The following NFAM1 variants were observed in gnomAD, a reference collection of about 807,000 sequenced individuals.
NFAM1 encodes NFAT activating protein with ITAM motif 1, also known as NFAT activation molecule 1.
In NFAM1, 17 loss-of-function variants were observed where a neutral mutation model predicts 29.0. That is an observed-to-expected ratio of 0.59 (90% CI 0.40 to 0.88). The LOEUF is 0.88. NFAM1 is among the 40% of genes least tolerant of loss of function. The pLI is 0.00. For synonymous variants in NFAM1, 175 were observed against 147.2 expected, an observed-to-expected ratio of 1.19 and a Z score of -1.36; for missense variants, 324 against 344.6, an observed-to-expected ratio of 0.94 and a Z score of 0.47.
Position 42,432,251 on chromosome 22 carries a change from G to C in NFAM1, c.107C>G (p.Thr36Ser). 1 of 1,572,906 alleles carries C rather than the reference G, an allele frequency of 6.4e-7. No individual in the cohort carries two copies. The highest frequency in any genetic ancestry group is 8.6e-7 in the Non-Finnish European group (1 of 1,158,674). Reference protein sequence around the residue: ...LLLGVLLLPGTLRLAGGQSVT... With the variant: ...LLLGVLLLPGSLRLAGGQSVT... ...ACAGACACTACCTGCCAGTCGCAGG[G>C]TCCCGGGCAGCAGCAGCACGCCAAG... The change falls in exon 1 of 6, where the codon ACC becomes AGC. Residue 36 changes from threonine (T) to serine (S), a missense_variant. Transcript: ENST00000329021.
chr22:42,399,205 C>T (rs552433565), intron 3 of NFAM1, among the ~76,000 whole-genome samples: 1 of 151,930 alleles, frequency 6.6e-6, no homozygotes, highest in African/African-American at 2.4e-5. Flanking sequence ...CTTTGGGACT[C>T]GGAGGCCGAG....
intron 5 of NFAM1, among the ~76,000 whole-genome samples, chr22:42,385,586 C>G (rs1229953893): frequency 6.6e-6 from 1 of 152,038 alleles, no homozygotes; most frequent in African/African-American, 2.4e-5. Flanking sequence ...CCCAGGGACC[C>G]CCTCCCTCCC....
upstream of NFAM1, among the ~76,000 whole-genome samples, chr22:42,432,632 T>G (rs1290171499): frequency 2.6e-5 from 4 of 152,082 alleles, no homozygotes; most frequent in Admixed American, 6.6e-5. Context: ...TCGGCCCCTT[T>G]CCAGCAGGGG....
intron 1 of NFAM1, among the ~76,000 whole-genome samples, chr22:42,414,193 C>T (rs1006906026): frequency 6.6e-6 from 1 of 152,184 alleles, no homozygotes; most frequent in Non-Finnish European, 1.5e-5. Flanking sequence ...TAACGACACT[C>T]GCTTGTGAAA....
rs869262500 is a variant in NFAM1, at chr22:42,419,990, G to GTTTTTTTTTTTTTTTTTTTT, written c.122-8274_122-8255dup. ...CTTTGAGTCTGTAATCCCACTCTTG[G>GTTTTTTTTTTTTTTTTTTTT]TTTTTTTTTTTTTTTTTTTTTTTTT... On this transcript the variant is annotated intron_variant, in intron 1 of 5. Transcript: ENST00000329021. This position sits in a 1 kb window ranked among gnomAD's most constrained non-coding sequence, Gnocchi z 4.5. 6.6e-5 allele frequency among the ~76,000 whole-genome samples: 2 copies of GTTTTTTTTTTTTTTTTTTTT among 30,522 alleles called. 1 individual carries two copies. Among genetic ancestry groups the GTTTTTTTTTTTTTTTTTTTT allele is most frequent in the Non-Finnish European group, 1.1e-4 (2 of 17,916 alleles). 20.0% of individuals were successfully genotyped at this position (30,522 alleles called of 152,430 possible).
intron 4 of NFAM1, among the ~76,000 whole-genome samples, chr22:42,392,881 C>T (rs1767303446): frequency 6.6e-6 from 1 of 152,030 alleles, no homozygotes; most frequent in African/African-American, 2.4e-5. Flanking sequence ...CTCACTGCAA[C>T]TTCTGCCTCC....
chr22:42,408,313 A>C (rs922911315), intron 3 of NFAM1, among the ~76,000 whole-genome samples: 1 of 152,210 alleles, frequency 6.6e-6, no homozygotes, highest in African/African-American at 2.4e-5. Flanking sequence ...TTCCCGTGGA[A>C]GAGAGCTCTT....
At chr22:42,395,800 A>T (rs1234645333) in intron 4 of NFAM1, among the ~76,000 whole-genome samples, 1 of 149,262 alleles carries the variant, frequency 6.7e-6, no homozygotes, top group South Asian at 2.2e-4. Flanking sequence ...AGAGAATGGC[A>T]TGAACCTGGG....
At position 42,411,588 on chromosome 22, in the gene NFAM1, C is replaced by T; in HGVS notation, c.270G>A (p.Gln90=). 2.5e-6 allele frequency: 4 copies of T among 1,614,240 alleles called. No individual in the cohort carries two copies. Among genetic ancestry groups the T allele is most frequent in the Non-Finnish European group, 3.4e-6 (4 of 1,180,048 alleles). ...VSYFHEDLQG[Q]RSPKKPTNCH... ...AGTTTGTTGGCTTCTTAGGGCTCCT[C>T]TGTCCCTGGAGATCTTCATGAAAGT... Residue 90 remains glutamine (Q), a synonymous_variant, in exon 2 of 6, where the codon CAG becomes CAA. Transcript: ENST00000329021.
intron 3 of NFAM1, among the ~76,000 whole-genome samples, chr22:42,398,382 TTTATTA>T (rs202112713): frequency 0.052 from 6,474 of 125,336 alleles, 172 homozygotes; most frequent in Non-Finnish European, 0.063. Context: ...CTTGGTTTTA[TTTATTA>T]TTATTATTAT....
chr22:42,403,863 CAG>C (rs1929807054), intron 3 of NFAM1, among the ~76,000 whole-genome samples: 1 of 152,124 alleles, frequency 6.6e-6, no homozygotes, highest in South Asian at 2.1e-4. Flanking sequence ...GCCATGGTGT[CAG>C]AGAGGGCCTC....
At chr22:42,386,492 A>C (rs1011628880) in intron 5 of NFAM1, among the ~76,000 whole-genome samples, 8 of 152,112 alleles carry the variant, frequency 5.3e-5, no homozygotes, top group African/African-American at 1.7e-4. Context: ...CTATCATGAC[A>C]ATCACAGAAC....
At chr22:42,395,710 G>A (rs773850605) in intron 4 of NFAM1, among the ~76,000 whole-genome samples, 8 of 150,948 alleles carry the variant, frequency 5.3e-5, no homozygotes, top group Non-Finnish European at 8.9e-5. Context: ...GTGAAACCCC[G>A]TCTCTACTAA....
chr22:42,390,093 T>G (rs766084416), intron 4 of NFAM1, among the ~76,000 whole-genome samples: 68 of 151,692 alleles, frequency 4.5e-4, no homozygotes, highest in Non-Finnish European at 7.8e-4. Flanking sequence ...CAGGAGGGCC[T>G]GGAGGCTGAG....
chr22:42,435,945 G>A (rs930081588), upstream of NFAM1, among the ~76,000 whole-genome samples: 6 of 150,822 alleles, frequency 4.0e-5, no homozygotes, highest in Non-Finnish European at 7.4e-5. Context: ...TCAGCCTTCC[G>A]AGTAGTTGGG....
intron 1 of NFAM1, among the ~76,000 whole-genome samples, chr22:42,414,228 G>A (rs997161777): frequency 6.6e-6 from 1 of 152,120 alleles, no homozygotes; most frequent in Non-Finnish European, 1.5e-5. Flanking sequence ...GCTGGCACCC[G>A]GGCCCCCTCC....
At chr22:42,422,764 C>A (rs1930488508) in intron 1 of NFAM1, among the ~76,000 whole-genome samples, 1 of 151,946 alleles carries the variant, frequency 6.6e-6, no homozygotes, top group Non-Finnish European at 1.5e-5. Context: ...GGCAATAGGG[C>A]CAAAAGGGTG....
chr22:42,411,301 G>C, intron 2 of NFAM1, 106 bp downstream of exon 2: 2 of 861,974 alleles, frequency 2.3e-6, no homozygotes, highest in South Asian at 3.3e-5. Flanking sequence ...TGGGATGTGT[G>C]AGCCACTGCG....
intron 1 of NFAM1, among the ~76,000 whole-genome samples, chr22:42,426,079 G>A (rs1399376685): frequency 1.3e-5 from 2 of 152,216 alleles, no homozygotes; most frequent in Non-Finnish European, 2.9e-5. Context: ...CAAAGGTTCA[G>A]GGGAGTGGGT....
Sources: gnomAD v4.1 joint callset for allele counts (sites outside exome capture counted in the v4.1 genomes callset) on GRCh38, gnomAD v4.1.1 for gene constraint, Gnocchi (gnomAD v3.1) non-coding constraint, MANE v1.5 for transcripts, NCBI Gene and HGNC (gene_info 2026-07-23, HGNC 2026-07-21) for gene names.